COL17A1: variants seen among roughly 807,000 people sequenced by gnomAD.
The protein encoded by COL17A1 is collagen type XVII alpha 1 chain, also known as collagen alpha-1(XVII) chain.
Under a neutral mutation model 218.4 loss-of-function variants are expected in COL17A1, and 181 were observed. The observed-to-expected ratio is 0.83, with a 90% confidence interval of 0.73 to 0.94. The LOEUF (loss-of-function observed/expected upper bound fraction) is 0.94, where lower values mean the gene tolerates loss of function less well. Ranked by LOEUF, COL17A1 falls within the 40% of genes least tolerant of loss-of-function variation. The pLI, the probability that COL17A1 is intolerant of heterozygous loss-of-function variation, is 0.00. For synonymous variants in COL17A1, 721 were observed against 731.0 expected (o/e 0.99, Z 0.22); for missense variants, 1,924 against 1,945.9 (o/e 0.99, Z 0.21).
rs898360651 is a variant in COL17A1, at chr10:104,033,108, A to G, written c.4294+130T>C. ...AGGAAACAAAGTTCAGAATTTATAGAATTTGTCTAATTTTGAGCATCTCAA... is the reference window on the plus strand; with the variant it reads ...AGGAAACAAAGTTCAGAATTTATAGGATTTGTCTAATTTTGAGCATCTCAA... On this transcript the variant is annotated intron_variant, in intron 53 of 55. Coordinates refer to ENST00000648076, the MANE Select transcript of COL17A1 (RefSeq NM_000494.4). The G allele has an allele frequency of 3.0e-5, 46 of 1,518,314 alleles. No individual in the cohort carries two copies. The Admixed American group carries it at 9.0e-4, about 30-fold the overall frequency. The allele number at this position is 1,518,314 out of a possible 1,614,324, so 94.1% of individuals were successfully genotyped here. A position where few individuals can be genotyped will look rare whatever the true frequency, so the allele number is the denominator to read the frequency against.
intron 27 of COL17A1, among the ~76,000 whole-genome samples, 194 bp from the exon 28 acceptor site, chr10:104,050,318 C>G (rs112441188): frequency 1.2e-4 from 18 of 152,300 alleles, no homozygotes; most frequent in Non-Finnish European, 1.6e-4. Flanking sequence ...CAGTTCCCCC[C>G]CTACAAACTG....
In COL17A1 at chr10:104,072,075, A is replaced by G. The variant is rs1564685416; in HGVS notation, c.420T>C (p.Ser140=). ...CACTCTGCAGTCGAACTCGAATTTC[A>G]CTCTCTGTACAAGGGAAGAGATAGA... The part of the protein sequence containing the change: ...STRGRSQTRE[S]EIRVRLQSAS... Residue 140 remains serine (S), a synonymous_variant, in exon 8 of 56, where the codon AGT becomes AGC. Transcript: ENST00000648076. The G allele has an allele frequency of 6.2e-7, 1 of 1,613,868 alleles. No homozygotes were observed. Among genetic ancestry groups the G allele is most frequent in the Non-Finnish European group, 8.5e-7 (1 of 1,179,964 alleles).
In COL17A1 at chr10:104,077,441, G is replaced by A; in HGVS notation, c.183C>T (p.Ser61=). 6.2e-7 allele frequency: 1 copy of A among 1,613,068 alleles called. No individual in the cohort carries two copies. The highest frequency in any genetic ancestry group is 8.5e-7 in the Non-Finnish European group (1 of 1,179,666). Residue 61 remains serine, a synonymous_variant, in exon 4 of 56, where the codon AGC becomes AGT. Transcript: ENST00000648076. The part of the protein sequence containing the change: ...RLEKQSLTHG[S]SGYINSTGST... ...ACTCACTTGAGTTTATGTAGCCGCT[G>A]CTGCCATGAGTCAGGCTTTGTTTCT... is the stretch of plus-strand genomic sequence containing the variant.
chr10:104,051,439 G>A (rs927016380), intron 25 of COL17A1, 42 bp downstream of exon 25: 1 of 1,612,052 alleles, frequency 6.2e-7, no homozygotes, highest in African/African-American at 1.3e-5. Context: ...TGCCACCTTT[G>A]CCCTGGAAAC....
Position 104,073,232 on chromosome 10 carries a change from G to T in COL17A1, c.393C>A (p.Thr131=), listed in dbSNP as rs777148387. ...YPRKEFASSS[T]RGRSQTRESE... ...CACCTCGTGTTTGACTCCGTCCTCT[G>T]GTTGAAGAAGATGCTGAGAAACAAA... The change falls in exon 7 of 56, where the codon ACC becomes ACA. Residue 131 remains threonine (T), a synonymous_variant. Coordinates refer to ENST00000648076, the MANE Select transcript of COL17A1 (RefSeq NM_000494.4). 6.2e-7 allele frequency: 1 copy of T among 1,613,816 alleles called. No individual in the cohort carries two copies. The highest frequency in any genetic ancestry group is 1.1e-5 in the South Asian group (1 of 91,054).
Position 104,047,810 on chromosome 10 carries a change from C to T in COL17A1, c.2264G>A (p.Gly755Asp). The change falls in exon 31 of 56, where the codon GGT becomes GAT. Residue 755 changes from glycine (G) to aspartate (D), a missense_variant and splice_region_variant. Transcript: ENST00000648076. ...AGPDGHQGPR[G>D]EQGLTGMPGI... ...AGGCATCCCAGTAAGACCTTGTTCA[C>T]CTAGAGAGAGAATGGCCAACGTGGA... 6.2e-7 allele frequency: 1 copy of T among 1,613,950 alleles called. No homozygotes were observed. Among genetic ancestry groups the T allele is most frequent in the Non-Finnish European group, 8.5e-7 (1 of 1,179,830 alleles).
intron 36 of COL17A1, among the ~76,000 whole-genome samples, chr10:104,041,982 A>G (rs1220864514): frequency 6.6e-6 from 1 of 152,182 alleles, no homozygotes; most frequent in Non-Finnish European, 1.5e-5. Context: ...TAACACAGTG[A>G]TAGCTCAGAG....
chr10:104,050,507 A>G, intron 27 of COL17A1, 114 bp downstream of exon 27: 1 of 1,562,816 alleles, frequency 6.4e-7, no homozygotes, highest in East Asian at 2.2e-5. Context: ...TTGGATTAGA[A>G]TGAGATCTTG....
chr10:104,064,509 C>A lies in COL17A1; in HGVS notation c.695G>T (p.Gly232Val), dbSNP rs776113942. 6.2e-7 allele frequency: 1 copy of A among 1,614,078 alleles called. No individual in the cohort carries two copies. Among genetic ancestry groups the A allele is most frequent in the Non-Finnish European group, 8.5e-7 (1 of 1,180,024 alleles). The change falls in exon 10 of 56, where the codon GGG becomes GTG. Residue 232 changes from glycine (G) to valine (V), a missense_variant. Physicochemically the swap from Gly to Val is moderately radical, Grantham distance 109 (BLOSUM62 -3). Coordinates refer to ENST00000648076, the MANE Select transcript of COL17A1 (RefSeq NM_000494.4). ...SSTLPAGSSMGTYHNNMTTQS... is the reference protein window; with the variant it reads ...SSTLPAGSSMVTYHNNMTTQS... Reference sequence around the variant, plus strand: ...GGTTGTCATGTTGTTGTGATAGGTCCCCATGGAGGACCCCGCGGGCAGGGT... The same window carrying A: ...GGTTGTCATGTTGTTGTGATAGGTCACCATGGAGGACCCCGCGGGCAGGGT...
chr10:104,040,288 G>T lies in COL17A1; in HGVS notation c.2761+63C>A, dbSNP rs79817225. On this transcript the variant is annotated intron_variant, in intron 40 of 55. Transcript: ENST00000648076. ...ATTCAGCTTCATCCAAACCCTCCTG[G>T]CAACCAGCAGGTAAACAGAGGACAC... 1,360 of 1,219,822 alleles carry T rather than the reference G, an allele frequency of 1.1e-3. 44 individuals carry two copies. In the East Asian group the frequency reaches 0.031, roughly 28 times the overall value. 75.6% of individuals were successfully genotyped at this position (1,219,822 alleles called of 1,614,324 possible).
At position 104,041,542 on chromosome 10, in the gene COL17A1, T is replaced by C; in HGVS notation, c.2552-4A>G. 6.2e-7 allele frequency: 1 copy of C among 1,612,092 alleles called. No individual in the cohort carries two copies. Among genetic ancestry groups the C allele is most frequent in the Non-Finnish European group, 8.5e-7 (1 of 1,178,274 alleles). On this transcript the variant is annotated splice_region_variant and splice_polypyrimidine_tract_variant and intron_variant, in intron 36 of 55. Transcript: ENST00000648076. ...GGACCTTGTAAATTAAGAACTTCTATAGAGAGAAGAAAATAGAAATGAGCA... is the reference window on the plus strand; with the variant it reads ...GGACCTTGTAAATTAAGAACTTCTACAGAGAGAAGAAAATAGAAATGAGCA...
chr10:104,053,875 T>A, intron 22 of COL17A1, 45 bp downstream of exon 22: 1 of 1,118,930 alleles, frequency 8.9e-7, no homozygotes, highest in Admixed American at 1.8e-5. Flanking sequence ...ATTAAATGAA[T>A]GAAAGAATGA....
chr10:104,037,639 G>C lies in COL17A1; in HGVS notation c.3205C>G (p.Arg1069Gly), dbSNP rs201280800. ...CAGGGCGTGGGGAAGGGCTTACTCCGTAAGTAGCTCACAACGTGGCTTGCC... is the reference window on the plus strand; with the variant it reads ...CAGGGCGTGGGGAAGGGCTTACTCCCTAAGTAGCTCACAACGTGGCTTGCC... ...ELASHVVSYL[R>G]TSGYGVSLFS... is the part of the protein sequence containing the mutation. The change falls in exon 46 of 56, where the codon CGG becomes GGG. Residue 1069 changes from arginine (R) to glycine (G), a missense_variant. Physicochemically the swap from Arg to Gly is moderately radical, Grantham distance 125. Transcript: ENST00000648076. 2 of 1,614,062 alleles carry C rather than the reference G, an allele frequency of 1.2e-6. No homozygotes were observed. The highest frequency in any genetic ancestry group is 1.7e-6 in the Non-Finnish European group (2 of 1,180,034).
intron 4 of COL17A1, 140 bp from the exon 5 acceptor site, chr10:104,076,569 T>G: frequency 9.2e-7 from 1 of 1,088,068 alleles, no homozygotes. Context: ...CACCTCAGCA[T>G]TCCCCCAGCT....
intron 10 of COL17A1, 50 bp from the exon 11 acceptor site, chr10:104,063,868 G>T (rs2086603982): frequency 6.2e-7 from 1 of 1,611,644 alleles, no homozygotes; most frequent in South Asian, 1.1e-5. Flanking sequence ...GGCCCAGATA[G>T]GGATAGAGAT....
rs766940415 is a variant in COL17A1, at chr10:104,037,715, G to A, written c.3129C>T (p.Pro1043=). The A allele has an allele frequency of 4.3e-6, 7 of 1,614,028 alleles. No individual in the cohort carries two copies. The East Asian group carries it at 1.1e-4, about 26-fold the overall frequency. The change falls in exon 46 of 56, where the codon CCC becomes CCT. Residue 1043 remains proline (P), a synonymous_variant. Transcript: ENST00000648076. ...GVQGPPGPPG[P]PGPVTTITGE... ...CTGTGATGGTGGTGACAGGTCCTGG[G>A]GGACCAGGTGGGCCTGGGGGACCCT...
intron 41 of COL17A1, 152 bp from the exon 42 acceptor site, chr10:104,039,792 ACACG>A (rs777058287): frequency 0.15 from 101,380 of 667,438 alleles, 204 homozygotes; most frequent in East Asian, 0.25. Flanking sequence ...ACACACACAC[ACACG>A]CACACGCACA....
At chr10:104,038,989 C>G in intron 44 of COL17A1, 82 bp downstream of exon 44, 1 of 1,413,348 alleles carries the variant, frequency 7.1e-7, no homozygotes, top group Non-Finnish European at 1.0e-6. Context: ...AATGAATGAA[C>G]GAATAGAGCA....
rs189885871 is a variant in COL17A1, at chr10:104,072,950, C to A, written c.415+260G>T. ...CATCTTCAGATGATCCACAGCAAGA[C>A]AAATGATGCCCCACATTGTTATCAT... On this transcript the variant is annotated intron_variant, in intron 7 of 55. Transcript: ENST00000648076. Among the ~76,000 whole-genome samples, 29 of 152,334 alleles carry A rather than the reference C, an allele frequency of 1.9e-4. No individual in the cohort carries two copies. The East Asian group carries it at 5.0e-3, about 26-fold the overall frequency.
Sources: gnomAD v4.1 joint callset for allele counts (sites outside exome capture counted in the v4.1 genomes callset) on GRCh38, gnomAD v4.1.1 for gene constraint, MANE v1.5 for transcripts, NCBI Gene and HGNC (gene_info 2026-07-23, HGNC 2026-07-21) for gene names.